The following CAND2 variants were observed in gnomAD, a reference collection of about 807,000 sequenced individuals.
CAND2 encodes the protein cullin associated and neddylation dissociated 2 (putative).
A neutral mutation model predicts 98.9 loss-of-function variants in CAND2; 62 were observed. The ratio of observed to expected loss-of-function variants is 0.63; its 90% CI spans 0.51 to 0.77. CAND2 has a LOEUF of 0.77. Ranked by LOEUF, CAND2 falls within the 30% of genes least tolerant of loss-of-function variation. The pLI is 0.00. For missense variants in CAND2, 1,501 were observed against 1,655.2 expected, an observed-to-expected ratio of 0.91 and a Z score of 1.62; for synonymous variants, 770 against 731.9, an observed-to-expected ratio of 1.05 and a Z score of -0.84.
In CAND2 at chr3:12,833,604, G is replaced by C; in HGVS notation, c.3484-151G>C. The stretch of plus-strand genomic sequence containing the variant: ...AGCCCAGAGGTGGAGTTAGGAAATA[G>C]CTGGTGAGACAGAAGCCTCAGGAGA... On this transcript the variant is annotated intron_variant, in intron 14 of 14. Transcript: ENST00000456430. 3 of 650,378 alleles carry C rather than the reference G, an allele frequency of 4.6e-6. No homozygotes were observed. The East Asian group carries it at 8.0e-5, about 17-fold the overall frequency. The allele number at this position is 650,378 out of a possible 1,614,324, so 40.3% of individuals were successfully genotyped here. A position where few individuals can be genotyped will look rare whatever the true frequency, so the allele number is the denominator to read the frequency against.
intron 13 of CAND2, 87 bp from the exon 14 acceptor site, chr3:12,831,378 T>C (rs9814191): frequency 9.8e-7 from 1 of 1,019,728 alleles, no homozygotes; most frequent in East Asian, 2.5e-5. Context: ...CAGGTTTCAG[T>C]TGTGGGGCCT....
chr3:12,824,176 T>G (rs1327199429), intron 11 of CAND2, among the ~76,000 whole-genome samples: 2 of 152,186 alleles, frequency 1.3e-5, no homozygotes, highest in Non-Finnish European at 1.5e-5. Flanking sequence ...ACATGGCACA[T>G]GTATACCTAT....
At chr3:12,809,984 A>T in intron 4 of CAND2, 75 bp from the exon 5 acceptor site, 1 of 1,383,716 alleles carries the variant, frequency 7.2e-7, no homozygotes, top group Non-Finnish European at 9.3e-7. Context: ...CCGGGAGAGA[A>T]TGGGGAGAGG....
chr3:12,834,446 T>C lies in CAND2; in HGVS notation c.*464T>C, dbSNP rs1163618275. ...AGGCCGGGCATCTCAAAAGAAAAGA[T>C]ACTTGAGTTATTCACATTTTAAAAT... On this transcript the variant is annotated 3_prime_UTR_variant, in exon 15 of 15. Coordinates refer to ENST00000456430, the MANE Select transcript of CAND2 (RefSeq NM_001162499.2). The C allele has an allele frequency of 6.3e-6, 1 of 158,972 alleles. No homozygotes were observed. The highest frequency in any genetic ancestry group is 1.4e-5 in the Non-Finnish European group (1 of 71,908). The allele number at this position is 158,972 out of a possible 1,614,324, so 9.8% of individuals were successfully genotyped here.
intron 5 of CAND2, 90 bp downstream of exon 5, chr3:12,810,414 G>A (rs1171542915): frequency 9.5e-6 from 12 of 1,265,608 alleles, no homozygotes; most frequent in Middle Eastern, 5.8e-4. Flanking sequence ...AGCTTGGGCC[G>A]CAGTGCAGCC....
intron 14 of CAND2, chr3:12,832,156 G>A (rs1388330652): frequency 6.6e-6 from 1 of 152,280 alleles, no homozygotes; most frequent in African/African-American, 2.4e-5. Flanking sequence ...AAGGAGAGCA[G>A]TGTTTTAGGT....
chr3:12,825,790 G>A, intron 12 of CAND2, 151 bp downstream of exon 12: 1 of 760,880 alleles, frequency 1.3e-6, no homozygotes, highest in South Asian at 1.8e-5. Flanking sequence ...TGGGACCCCA[G>A]CCAGGGCAAC....
intron 7 of CAND2, among the ~76,000 whole-genome samples, chr3:12,814,058 C>T (rs1398163057): frequency 6.6e-6 from 1 of 152,206 alleles, no homozygotes; most frequent in Non-Finnish European, 1.5e-5. Context: ...CCTTGAATGC[C>T]AAGCCAGGGA....
intron 3 of CAND2, 145 bp from the exon 4 acceptor site, chr3:12,808,065 G>A: frequency 9.2e-7 from 1 of 1,086,572 alleles, no homozygotes; most frequent in South Asian, 1.6e-5. Context: ...CCAGACTCTG[G>A]GTCAAACCTG....
intron 2 of CAND2, among the ~76,000 whole-genome samples, chr3:12,804,899 G>A (rs114325715): frequency 0.016 from 2,372 of 152,302 alleles, 46 homozygotes; most frequent in African/African-American, 0.053. Context: ...AGGTGACATG[G>A]ACAAGTTTAT....
In CAND2 at chr3:12,808,225, C is replaced by T; in HGVS notation, c.383C>T (p.Thr128Ile). ...PPAATGSGLA[T>I]NVCRKITGQL... ...CCCTGTGCAGGCTCCGGGCTGGCCA[C>T]CAACGTGTGCCGGAAGATCACAGGC... Residue 128 changes from threonine (T) to isoleucine (I), a missense_variant, in exon 4 of 15, where the codon ACC becomes ATC. Thr to Ile is a moderately conservative substitution (Grantham distance 89, BLOSUM62 -1). Transcript: ENST00000456430. 6.4e-7 allele frequency: 1 copy of T among 1,551,192 alleles called. No homozygotes were observed. Among genetic ancestry groups the T allele is most frequent in the Non-Finnish European group, 8.7e-7 (1 of 1,146,968 alleles).
At position 12,815,603 on chromosome 3, in the gene CAND2, G is replaced by A. The variant is rs1228175648; in HGVS notation, c.1299+170G>A. ...CCAGCCAGGCTTCTGGAGTGTAGTA[G>A]TGACAGCCAGCCTGCCTGAGTGAGC... On this transcript the variant is annotated intron_variant, in intron 8 of 14. Transcript: ENST00000456430. The surrounding 1 kb of genome is among the most constrained non-coding windows in gnomAD (Gnocchi z 5.7). Among the ~76,000 whole-genome samples, 1 of 152,202 alleles carries A rather than the reference G, an allele frequency of 6.6e-6. No individual in the cohort carries two copies. Among genetic ancestry groups the A allele is most frequent in the Non-Finnish European group, 1.5e-5 (1 of 68,034 alleles).
At position 12,816,652 on chromosome 3, in the gene CAND2, A is replaced by T; in HGVS notation, c.1720A>T (p.Thr574Ser). ...ATATGTTGGAGAGATGTCTGCTGTC[A>T]CCCTGGCGCGACTTCGTGCCACTGA... is the stretch of plus-strand genomic sequence containing the variant. ...EPYVGEMSAV[T>S]LARLRATDLD... The change falls in exon 10 of 15, where the codon ACC becomes TCC. Residue 574 changes from threonine (T) to serine (S), a missense_variant. Around this residue, in one of 3 missense-constraint regions of CAND2, gnomAD observed 1,427 missense variants for 1,545.3 expected, o/e 0.92. Coordinates refer to ENST00000456430, the MANE Select transcript of CAND2 (RefSeq NM_001162499.2). The T allele has an allele frequency of 6.2e-7, 1 of 1,613,740 alleles. No individual in the cohort carries two copies. Among genetic ancestry groups the T allele is most frequent in the South Asian group, 1.1e-5 (1 of 91,086 alleles).
intron 1 of CAND2, 93 bp downstream of exon 1, chr3:12,796,881 A>G (rs1575759887): frequency 2.1e-6 from 2 of 953,790 alleles, no homozygotes; most frequent in East Asian, 5.4e-5. Flanking sequence ...CCCCATGACC[A>G]TGCAGCCCCC....
Position 12,796,703 on chromosome 3 carries a change from C to G in CAND2, c.-18C>G, listed in dbSNP as rs1006433235. The stretch of plus-strand genomic sequence containing the variant: ...CCATATTCCCTCCCGCCGGCCGGCT[C>G]CGCGGCGCGCAGCCACCATGAGCAC... On this transcript the variant is annotated 5_prime_UTR_variant, in exon 1 of 15. Transcript: ENST00000456430. 6.4e-7 allele frequency: 1 copy of G among 1,566,080 alleles called. No individual in the cohort carries two copies. The highest frequency in any genetic ancestry group is 8.6e-7 in the Non-Finnish European group (1 of 1,156,144).
intron 13 of CAND2, 103 bp from the exon 14 acceptor site, chr3:12,831,362 G>C: frequency 2.3e-6 from 2 of 856,102 alleles, no homozygotes; most frequent in Non-Finnish European, 1.9e-6. Context: ...GTCTGAACTT[G>C]GGCTTCAGGT....
rs781275010 is a variant in CAND2 at position 12,815,417 on chromosome 3, A to G, written c.1283A>G (p.His428Arg). The stretch of plus-strand genomic sequence containing the variant: ...CCCACCCAGACCGGCAGCAACCTCC[A>G]TATGCTACGTGGACAGGTGGGCGTG... The part of the protein sequence containing the change: ...EEPTQTGSNL[H>R]MLRGQVPLVV... The change falls in exon 8 of 15, where the codon CAT becomes CGT. Residue 428 changes from histidine to arginine, a missense_variant. This residue lies in a region of CAND2 where 1,427 missense variants were observed against 1,545.3 expected (regional missense o/e 0.92). Transcript: ENST00000456430. The surrounding 1 kb of genome is among the most constrained non-coding windows in gnomAD (Gnocchi z 5.7). 4.3e-6 allele frequency: 7 copies of G among 1,611,574 alleles called. No homozygotes were observed. In the East Asian group the frequency reaches 1.3e-4, roughly 31 times the overall value.
At chr3:12,829,388 C>A (rs981991638) in intron 13 of CAND2, among the ~76,000 whole-genome samples, 7 of 152,140 alleles carry the variant, frequency 4.6e-5, no homozygotes, top group African/African-American at 1.7e-4. Flanking sequence ...CTCAGGTGAC[C>A]CACCCACCTC....
chr3:12,796,803 C>A lies in CAND2; in HGVS notation c.68+15C>A. The A allele has an allele frequency of 1.3e-6, 2 of 1,566,482 alleles. No individual in the cohort carries two copies. The highest frequency in any genetic ancestry group is 1.7e-6 in the Non-Finnish European group (2 of 1,153,956). ...AAGGACTTCAGGTGCAGCCCGCCGC[C>A]GGCCCCCTTCTCTCCTTCCCGCTCT... On this transcript the variant is annotated intron_variant, in intron 1 of 14. Transcript: ENST00000456430.
Sources: allele counts gnomAD v4.1 joint callset (sites outside exome capture counted in the v4.1 genomes callset), GRCh38; gene constraint gnomAD v4.1.1; regional missense constraint gnomAD v4.1.1; non-coding constraint Gnocchi (gnomAD v3.1); transcripts MANE v1.5; gene names NCBI Gene and HGNC (gene_info 2026-07-23, HGNC 2026-07-21).